EPC2: variants seen among roughly 807,000 people sequenced by gnomAD.
The protein encoded by EPC2 is enhancer of polycomb homolog 2.
EPC2 carries 14 observed loss-of-function variants against 92.1 expected under a neutral mutation model. That is an observed-to-expected ratio of 0.15 (90% confidence interval 0.10 to 0.24). The LOEUF is 0.24. Ranked by LOEUF, EPC2 falls within the 10% of genes least tolerant of loss-of-function variation. The pLI is 1.00. For missense variants in EPC2, 755 were observed against 971.5 expected, an observed-to-expected ratio of 0.78 and a Z score of 2.96; for synonymous variants, 340 against 334.7, an observed-to-expected ratio of 1.02 and a Z score of -0.17.
chr2:148,676,522 A>G lies in EPC2; in HGVS notation c.154-13692A>G, dbSNP rs116081165. ...TTAGAAAATACAGAGGGCACACAGA[A>G]AAAAATAACAATCACTTAATTAGTT... On this transcript the variant is annotated intron_variant, in intron 1 of 13. Coordinates refer to ENST00000258484, the MANE Select transcript of EPC2 (RefSeq NM_015630.4). Among the ~76,000 whole-genome samples the G allele has an allele frequency of 4.0e-3, 609 of 152,256 alleles. 3 individuals carry two copies. The highest frequency in any genetic ancestry group is 0.014 in the African/African-American group (591 of 41,564).
In EPC2 at chr2:148,776,856, CTTTT is replaced by C. The variant is rs56073706; in HGVS notation, c.1721-4769_1721-4766del. Reference sequence around the variant, plus strand: ...ACATAGCAAGACCCTGTCTCTCTCTCTTTTTTTTTTTTTTTTTTTTTTGAGACAG... The same window carrying C: ...ACATAGCAAGACCCTGTCTCTCTCTCTTTTTTTTTTTTTTTTTTGAGACAG... On this transcript the variant is annotated intron_variant, in intron 10 of 13. Transcript: ENST00000258484. Among the ~76,000 whole-genome samples the C allele has an allele frequency of 1.6e-3, 162 of 101,018 alleles. 1 individual carries two copies. The highest frequency in any genetic ancestry group is 3.0e-3 in the African/African-American group (81 of 27,126). 66.3% of individuals were successfully genotyped at this position (101,018 alleles called of 152,430 possible). A position where few individuals can be genotyped will look rare whatever the true frequency, so the allele number is the denominator to read the frequency against.
intron 2 of EPC2, among the ~76,000 whole-genome samples, chr2:148,714,820 T>C (rs1177857642): frequency 6.6e-6 from 1 of 152,174 alleles, no homozygotes; most frequent in Non-Finnish European, 1.5e-5. Flanking sequence ...CTTTGTCAGA[T>C]GGGTAAGTTG....
At chr2:148,783,979 A>G (rs1368828481) in intron 12 of EPC2, among the ~76,000 whole-genome samples, 2 of 152,232 alleles carry the variant, frequency 1.3e-5, no homozygotes, top group East Asian at 3.8e-4. Context: ...ATACCTGTGT[A>G]ACATTCTACC....
intron 2 of EPC2, among the ~76,000 whole-genome samples, chr2:148,700,957 G>T (rs545074486): frequency 6.6e-6 from 1 of 151,920 alleles, no homozygotes; most frequent in Admixed American, 6.5e-5. Context: ...AGACTTTTGC[G>T]ATTTTCCTCA....
chr2:148,683,249 A>C (rs1681446236), intron 1 of EPC2, among the ~76,000 whole-genome samples: 1 of 151,720 alleles, frequency 6.6e-6, no homozygotes, highest in African/African-American at 2.4e-5. Context: ...CCTTCCTGCC[A>C]AGTCTCCAAA....
intron 2 of EPC2, among the ~76,000 whole-genome samples, chr2:148,690,656 A>G (rs1461914190): frequency 6.6e-6 from 1 of 152,052 alleles, no homozygotes; most frequent in Non-Finnish European, 1.5e-5. Context: ...ACTATACCCA[A>G]ATGAGATTTC....
chr2:148,658,826 T>C (rs1680875647), intron 1 of EPC2, among the ~76,000 whole-genome samples: 1 of 151,410 alleles, frequency 6.6e-6, no homozygotes, highest in Admixed American at 6.6e-5. Flanking sequence ...TATATATGTA[T>C]GTTATATAGT....
chr2:148,685,078 G>A (rs2105368700), intron 1 of EPC2, among the ~76,000 whole-genome samples: 1 of 151,222 alleles, frequency 6.6e-6, no homozygotes, highest in East Asian at 1.9e-4. Flanking sequence ...TTTCCTTTAG[G>A]GTTACTTTTC....
chr2:148,733,065 A>G (rs979291252), intron 2 of EPC2, among the ~76,000 whole-genome samples: 4 of 122,728 alleles, frequency 3.3e-5, no homozygotes, highest in Non-Finnish European at 7.1e-5. Context: ...GAGCTAGTCA[A>G]TCCTTAAGGA....
chr2:148,656,743 A>G (rs1016299290), intron 1 of EPC2, among the ~76,000 whole-genome samples: 3 of 152,222 alleles, frequency 2.0e-5, no homozygotes, highest in African/African-American at 7.2e-5. Flanking sequence ...TAGACGCAGA[A>G]AGGAGTAAGA....
chr2:148,715,325 G>A (rs1372525600), intron 2 of EPC2, among the ~76,000 whole-genome samples: 10 of 152,104 alleles, frequency 6.6e-5, no homozygotes, highest in Non-Finnish European at 1.0e-4. Flanking sequence ...GAGCCACTGC[G>A]CCCAGCCTCT....
chr2:148,648,026 A>G (rs968677458), intron 1 of EPC2, among the ~76,000 whole-genome samples: 4 of 152,200 alleles, frequency 2.6e-5, no homozygotes, highest in Non-Finnish European at 5.9e-5. Context: ...GCCTACTTCA[A>G]TTGCCCAATT....
At chr2:148,783,010 A>G (rs1203682644) in intron 11 of EPC2, among the ~76,000 whole-genome samples, 1 of 152,216 alleles carries the variant, frequency 6.6e-6, no homozygotes, top group Non-Finnish European at 1.5e-5. Flanking sequence ...CTCCAGTAAC[A>G]TGAAAATCTC....
intron 2 of EPC2, among the ~76,000 whole-genome samples, chr2:148,740,009 T>C (rs1224158627): frequency 2.6e-5 from 4 of 151,648 alleles, no homozygotes; most frequent in African/African-American, 9.7e-5. Context: ...TATGTTGAGG[T>C]GGGAGGTATT....
chr2:148,785,132 A>G (rs1392918376), intron 13 of EPC2, 131 bp downstream of exon 13: 11 of 737,314 alleles, frequency 1.5e-5, no homozygotes, highest in Non-Finnish European at 2.2e-5. Context: ...GATACTGAAG[A>G]TCTGTATAAA....
At chr2:148,695,128 C>CA (rs2105373969) in intron 2 of EPC2, among the ~76,000 whole-genome samples, 1 of 152,318 alleles carries the variant, frequency 6.6e-6, no homozygotes, top group South Asian at 2.1e-4. Flanking sequence ...GTTTTGAACT[C>CA]AGTTAAATAG....
intron 10 of EPC2, among the ~76,000 whole-genome samples, chr2:148,773,420 T>G (rs1201069870): frequency 6.6e-6 from 1 of 152,146 alleles, no homozygotes; most frequent in East Asian, 1.9e-4. Flanking sequence ...CTAAAATTTT[T>G]TAATATCCTC....
intron 12 of EPC2, 104 bp from the exon 13 acceptor site, chr2:148,784,564 G>C (rs1382556349): frequency 1.1e-6 from 1 of 873,644 alleles, no homozygotes; most frequent in Non-Finnish European, 1.7e-6. Context: ...AGTTAACTTG[G>C]CATTCAATTC....
At chr2:148,645,844 T>C (rs996399394) in intron 1 of EPC2, among the ~76,000 whole-genome samples, 3 of 152,186 alleles carry the variant, frequency 2.0e-5, no homozygotes, top group African/African-American at 7.2e-5. Context: ...TGGACGGCCG[T>C]GCTCCGTGCG....
Sources: allele counts gnomAD v4.1 joint callset (sites outside exome capture counted in the v4.1 genomes callset), GRCh38; gene constraint gnomAD v4.1.1; transcripts MANE v1.5; gene names NCBI Gene and HGNC (gene_info 2026-07-23, HGNC 2026-07-21).